FAT2: variants seen among roughly 807,000 people sequenced by gnomAD.
FAT2 encodes the protein FAT atypical cadherin 2, also known as protocadherin Fat 2.
Under a neutral mutation model 295.3 loss-of-function variants are expected in FAT2, and 150 were observed. The ratio of observed to expected loss-of-function variants is 0.51; its 90% CI spans 0.44 to 0.58. The LOEUF (loss-of-function observed/expected upper bound fraction) is 0.58, where lower values mean the gene tolerates loss of function less well. FAT2 is among the 20% of genes least tolerant of loss of function. The probability of loss-of-function intolerance (pLI) is 0.00; values close to 1 mark genes in which losing one functional copy is unlikely to be tolerated. For synonymous variants in FAT2, 2,026 were observed against 2,150.3 expected (o/e 0.94, Z 1.60); for missense variants, 4,868 against 5,442.7 (o/e 0.89, Z 3.32).
chr5:151,554,454 C>G lies in FAT2; in HGVS notation c.3853G>C (p.Asp1285His), dbSNP rs2127630583. ...LNGRVTYSIE[D>H]SDEEAFSIDL... ...ATACTGAAGGCCTCCTCATCGCTGTCCTCGATACTGTAGGTGACTCTGCCA... is the reference window on the plus strand; with the variant it reads ...ATACTGAAGGCCTCCTCATCGCTGTGCTCGATACTGTAGGTGACTCTGCCA... Residue 1285 changes from aspartate (D) to histidine (H), a missense_variant, in exon 5 of 24, where the codon GAC (aspartate) becomes CAC (histidine). This residue lies in a region of FAT2 where 3,297 missense variants were observed against 3,669.4 expected (regional missense o/e 0.90). Transcript: ENST00000261800. 1.2e-6 allele frequency: 2 copies of G among 1,614,218 alleles called. No individual in the cohort carries two copies. Among genetic ancestry groups the G allele is most frequent in the Non-Finnish European group, 1.7e-6 (2 of 1,180,036 alleles).
Position 151,505,958 on chromosome 5 carries a change from A to G in FAT2, c.12657T>C (p.Pro4219=), listed in dbSNP as rs1005788157. The change falls in exon 24 of 24, where the codon CCT becomes CCC. Residue 4219 remains proline, a synonymous_variant. Transcript: ENST00000261800. ...AGGGGAAGCCCCCATAGAGGCCATT[A>G]GGCTCTGGCATCACGACTGGGGTTG... ...RHSTPVVMPE[P]NGLYGGFPFP... is the part of the protein sequence containing the mutation. 1.4e-5 allele frequency: 22 copies of G among 1,572,454 alleles called. No individual in the cohort carries two copies. The highest frequency in any genetic ancestry group is 1.9e-5 in the Non-Finnish European group (22 of 1,163,024).
Position 151,512,088 on chromosome 5 carries a change from C to T in FAT2, c.11905+77G>A. 7.1e-7 allele frequency: 1 copy of T among 1,409,284 alleles called. No homozygotes were observed. The highest frequency in any genetic ancestry group is 9.7e-7 in the Non-Finnish European group (1 of 1,031,974). The allele number at this position is 1,409,284 out of a possible 1,614,324, so 87.3% of individuals were successfully genotyped here. On this transcript the variant is annotated intron_variant, in intron 21 of 23. Transcript: ENST00000261800. This position sits in a 1 kb window ranked among gnomAD's most constrained non-coding sequence, Gnocchi z 4.1. ...TTGGAACCAGGAGGCTCTGAGATCTCCACCCTGACATGCTTTTCCCACCTG... is the reference window on the plus strand; with the variant it reads ...TTGGAACCAGGAGGCTCTGAGATCTTCACCCTGACATGCTTTTCCCACCTG...
At chr5:151,526,106 T>C in intron 17 of FAT2, 141 bp from the exon 18 acceptor site, 1 of 828,340 alleles carries the variant, frequency 1.2e-6, no homozygotes, top group Non-Finnish European at 1.9e-6. Context: ...AAGCTGCTGC[T>C]CATTCATTCT....
At chr5:151,583,419 T>C (rs1759040518) in intron 1 of FAT2, among the ~76,000 whole-genome samples, 1 of 152,152 alleles carries the variant, frequency 6.6e-6, no homozygotes, top group South Asian at 2.1e-4. Context: ...ATTCACATAA[T>C]ACGGGGCAAA....
chr5:151,578,857 A>C (rs1758839924), intron 1 of FAT2, among the ~76,000 whole-genome samples: 1 of 152,246 alleles, frequency 6.6e-6, no homozygotes, highest in South Asian at 2.1e-4. Flanking sequence ...AAGGGAAATA[A>C]ACCAAGTACA....
chr5:151,537,423 G>T (rs1755541447), intron 12 of FAT2, among the ~76,000 whole-genome samples: 1 of 98,056 alleles, frequency 1.0e-5, no homozygotes, highest in South Asian at 3.3e-4. Flanking sequence ...AGGAAAAAAG[G>T]AAAGGAGAGG....
At chr5:151,517,364 A>G (rs565781343) in intron 20 of FAT2, among the ~76,000 whole-genome samples, 5 of 152,290 alleles carry the variant, frequency 3.3e-5, no homozygotes, top group Admixed American at 2.6e-4. Flanking sequence ...GACCTCATCC[A>G]TCTCCATTTC....
intron 6 of FAT2, among the ~76,000 whole-genome samples, chr5:151,552,105 C>T (rs1757272791): frequency 6.6e-6 from 1 of 151,558 alleles, no homozygotes; most frequent in African/African-American, 2.4e-5. Context: ...TTATTTTCTT[C>T]TCTGCATTCA....
chr5:151,583,201 G>T (rs1288057678), intron 1 of FAT2, among the ~76,000 whole-genome samples: 1 of 152,086 alleles, frequency 6.6e-6, no homozygotes, highest in Non-Finnish European at 1.5e-5. Context: ...CCACTCCTAG[G>T]TCAACATAAG....
rs61743255 is a variant in FAT2 at position 151,553,283 on chromosome 5, A to T, written c.4050T>A (p.Asp1350Glu). ...TGACCGTAAAGCTGTAGTAGGTCTC[A>T]TCAAAGGCCAGAGGGATGGAGGACG... ...PRPSSIPLAF[D>E]ETYYSFTVME... The change falls in exon 6 of 24, where the codon GAT becomes GAA. Residue 1350 changes from aspartate to glutamate, a missense_variant. Coordinates refer to ENST00000261800, the MANE Select transcript of FAT2 (RefSeq NM_001447.3). The T allele has an allele frequency of 6.2e-7, 1 of 1,614,152 alleles. No homozygotes were observed.
chr5:151,565,647 A>ACGGGCCCCCC, intron 2 of FAT2, 26 bp downstream of exon 2: 2 of 1,461,026 alleles, frequency 1.4e-6, no homozygotes, highest in Non-Finnish European at 9.3e-7. Context: ...TGGCCCTGGC[A>ACGGGCCCCCC]CCCCACCCTA....
rs80225398 is a variant in FAT2, at chr5:151,527,160, A to G, written c.10308+74T>C. On this transcript the variant is annotated intron_variant, in intron 17 of 23. Transcript: ENST00000261800. ...GTCATTGTTCATGTGGACTAATGCC[A>G]CTGAGGGGCATCTTCTGCTAGAAGG... 0.068 allele frequency: 98,646 copies of G among 1,441,164 alleles called. 5,877 individuals are homozygous for G. Among genetic ancestry groups the G allele is most frequent in the South Asian group, 0.25 (18,827 of 76,558 alleles). The allele number at this position is 1,441,164 out of a possible 1,614,324, so 89.3% of individuals were successfully genotyped here.
intron 11 of FAT2, among the ~76,000 whole-genome samples, chr5:151,539,011 T>C (rs1382035149): frequency 6.6e-6 from 1 of 152,074 alleles, no homozygotes; most frequent in Non-Finnish European, 1.5e-5. Context: ...AGGCCTCTTT[T>C]TTCTGTTCTA....
At chr5:151,555,615 C>T (rs777845997) in intron 4 of FAT2, among the ~76,000 whole-genome samples, 1 of 152,128 alleles carries the variant, frequency 6.6e-6, no homozygotes, top group African/African-American at 2.4e-5. Flanking sequence ...AGTGATCTGC[C>T]CGCCTCAGCC....
intron 3 of FAT2, among the ~76,000 whole-genome samples, chr5:151,561,630 A>T (rs748826019): frequency 1.6e-4 from 24 of 152,154 alleles, no homozygotes; most frequent in Non-Finnish European, 2.5e-4. Context: ...GGCTCAAGCG[A>T]TCCTCCTACC....
intron 1 of FAT2, among the ~76,000 whole-genome samples, chr5:151,579,784 A>G (rs552282764): frequency 1.3e-5 from 2 of 152,324 alleles, no homozygotes; most frequent in East Asian, 1.9e-4. Context: ...CACCTCAGAT[A>G]GTGTTCTGAA....
upstream of FAT2, among the ~76,000 whole-genome samples, chr5:151,591,428 G>A (rs1372612407): frequency 6.6e-6 from 1 of 152,184 alleles, no homozygotes. Flanking sequence ...GAGGGAGGGA[G>A]GAAGCCAACT....
Position 151,528,141 on chromosome 5 carries a change from G to A in FAT2, c.10027-8C>T. 1 of 1,613,082 alleles carries A rather than the reference G, an allele frequency of 6.2e-7. No homozygotes were observed. The highest frequency in any genetic ancestry group is 8.5e-7 in the Non-Finnish European group (1 of 1,179,302). On this transcript the variant is annotated splice_polypyrimidine_tract_variant and splice_region_variant and intron_variant, in intron 15 of 23. Coordinates refer to ENST00000261800, the MANE Select transcript of FAT2 (RefSeq NM_001447.3). Reference sequence around the variant, plus strand: ...TTCATCAGTCGCTGATACCTGCGGTGGGGTAGGGGGATTGTGAATGGAGGG... The same window carrying A: ...TTCATCAGTCGCTGATACCTGCGGTAGGGTAGGGGGATTGTGAATGGAGGG...
At chr5:151,579,245 G>T (rs1267339080) in intron 1 of FAT2, among the ~76,000 whole-genome samples, 1 of 152,152 alleles carries the variant, frequency 6.6e-6, no homozygotes, top group Non-Finnish European at 1.5e-5. Context: ...ATTGCTAAGA[G>T]AATACATTTG....
Sources: allele counts gnomAD v4.1 joint callset (sites outside exome capture counted in the v4.1 genomes callset), GRCh38; gene constraint gnomAD v4.1.1; regional missense constraint gnomAD v4.1.1; non-coding constraint Gnocchi (gnomAD v3.1); transcripts MANE v1.5; gene names NCBI Gene and HGNC (gene_info 2026-07-23, HGNC 2026-07-21).